Variants in PDE11A observed in about 807,000 individuals in gnomAD.
The protein encoded by PDE11A is phosphodiesterase 11A, also known as dual 3',5'-cyclic-AMP and -GMP phosphodiesterase 11A.
PDE11A carries 100 observed loss-of-function variants against 100.5 expected under a neutral mutation model. The ratio of observed to expected loss-of-function variants is 1.00; its 90% confidence interval spans 0.85 to 1.18. The LOEUF is 1.18. Among genes scored for constraint, PDE11A ranks in the 50% most tolerant of loss-of-function variants. The pLI is 0.00. For missense variants in PDE11A, 1,141 were observed against 1,152.6 expected, an observed-to-expected ratio of 0.99 and a Z score of 0.15; for synonymous variants, 381 against 420.8, an observed-to-expected ratio of 0.91 and a Z score of 1.16.
intron 19 of PDE11A, among the ~76,000 whole-genome samples, chr2:177,662,817 A>G (rs894505049): frequency 5.5e-5 from 7 of 128,094 alleles, no homozygotes; most frequent in African/African-American, 1.7e-4. Flanking sequence ...TTACATATCC[A>G]TCTTCAAGAC....
At chr2:177,952,631 G>A (rs1158101781) in intron 2 of PDE11A, among the ~76,000 whole-genome samples, 1 of 151,352 alleles carries the variant, frequency 6.6e-6, no homozygotes, top group Non-Finnish European at 1.5e-5. Flanking sequence ...ATCCTTCCAG[G>A]AAACTGATCC....
At chr2:177,972,466 A>C (rs1462871911) in intron 2 of PDE11A, among the ~76,000 whole-genome samples, 1 of 152,218 alleles carries the variant, frequency 6.6e-6, no homozygotes, top group African/African-American at 2.4e-5. Flanking sequence ...AGAATAAATG[A>C]AAATGGATGG....
chr2:177,941,661 C>T (rs934423983), intron 2 of PDE11A, among the ~76,000 whole-genome samples: 3 of 152,222 alleles, frequency 2.0e-5, no homozygotes, highest in Non-Finnish European at 4.4e-5. Flanking sequence ...CTGCCCTCTC[C>T]TTCCTCCCCT....
intron 2 of PDE11A, among the ~76,000 whole-genome samples, chr2:177,934,167 C>T (rs754601223): frequency 6.6e-6 from 1 of 151,998 alleles, no homozygotes; most frequent in Non-Finnish European, 1.5e-5. Flanking sequence ...AGCTTCTGCA[C>T]AACAAAAGAA....
At chr2:177,845,250 C>A (rs2083566831) in intron 5 of PDE11A, among the ~76,000 whole-genome samples, 1 of 150,904 alleles carries the variant, frequency 6.6e-6, no homozygotes, top group South Asian at 2.1e-4. Context: ...GGCTGCCGGG[C>A]GGAGGGGCTC....
chr2:177,832,875 G>C (rs1277939894), intron 6 of PDE11A, among the ~76,000 whole-genome samples: 1 of 152,166 alleles, frequency 6.6e-6, no homozygotes, highest in Non-Finnish European at 1.5e-5. Context: ...GAGCCAGGGA[G>C]AAGGAATGAA....
intron 1 of PDE11A, among the ~76,000 whole-genome samples, chr2:178,051,239 T>C (rs2086822856): frequency 6.6e-6 from 1 of 152,194 alleles, no homozygotes; most frequent in African/African-American, 2.4e-5. Context: ...ACCCAGAATT[T>C]CATATCCAGC....
intron 19 of PDE11A, among the ~76,000 whole-genome samples, chr2:177,656,887 G>A (rs1488623961): frequency 6.6e-6 from 1 of 152,210 alleles, no homozygotes; most frequent in Non-Finnish European, 1.5e-5. Context: ...CTTGGGCAAA[G>A]GGTGTCTGGT....
At chr2:177,972,724 C>T (rs549362455) in intron 2 of PDE11A, among the ~76,000 whole-genome samples, 2 of 152,198 alleles carry the variant, frequency 1.3e-5, no homozygotes, top group Admixed American at 6.5e-5. Context: ...GAAGGGACAT[C>T]GGTGGGACAG....
chr2:178,021,552 G>A (rs1016366211), intron 1 of PDE11A, among the ~76,000 whole-genome samples: 2 of 151,974 alleles, frequency 1.3e-5, no homozygotes, highest in Non-Finnish European at 2.9e-5. Flanking sequence ...TTAGATAAAG[G>A]AACATGTTAC....
Position 177,957,910 on chromosome 2 carries a change from C to CTTTTTTTTTTTTTTTTTTTTTTTTTTTT in PDE11A, c.1072-52724_1072-52723insAAAAAAAAAAAAAAAAAAAAAAAAAAAA, listed in dbSNP as rs748839068. ...TCCTTTACCTTTGTTTTTCCAATGC[C>CTTTTTTTTTTTTTTTTTTTTTTTTTTTT]TTTTTTTTGAGACGGAGTCTCTTGC... On this transcript the variant is annotated intron_variant, in intron 2 of 19. Transcript: ENST00000286063. Among the ~76,000 whole-genome samples, 12 of 114,470 alleles carry CTTTTTTTTTTTTTTTTTTTTTTTTTTTT rather than the reference C, an allele frequency of 1.0e-4. 2 individuals are homozygous for CTTTTTTTTTTTTTTTTTTTTTTTTTTTT. The highest frequency in any genetic ancestry group is 1.6e-4 in the African/African-American group (4 of 24,694). 75.1% of individuals were successfully genotyped at this position (114,470 alleles called of 152,430 possible).
chr2:177,671,758 A>C (rs889424006), intron 17 of PDE11A, among the ~76,000 whole-genome samples: 2 of 150,932 alleles, frequency 1.3e-5, no homozygotes, highest in African/African-American at 5.0e-5. Flanking sequence ...AAAATAAAAT[A>C]ATATTTACAC....
At chr2:177,769,946 G>A (rs964374717) in intron 9 of PDE11A, among the ~76,000 whole-genome samples, 3 of 149,980 alleles carry the variant, frequency 2.0e-5, no homozygotes, top group South Asian at 4.2e-4. Context: ...CCCAAAGGAT[G>A]TGAATACTTG....
At position 177,663,425 on chromosome 2, in the gene PDE11A, A is replaced by C. The variant is rs2080513934; in HGVS notation, c.2646+441T>G. Among the ~76,000 whole-genome samples, 4 of 150,462 alleles carry C rather than the reference A, an allele frequency of 2.7e-5. No individual in the cohort carries two copies. The South Asian group carries it at 8.4e-4, about 32-fold the overall frequency. ...GGAATCCTCATTCCCACATTATATT[A>C]ATAAAGAAAATTTGTAAAAAAAAAA... On this transcript the variant is annotated intron_variant, in intron 19 of 19. Coordinates refer to ENST00000286063, the MANE Select transcript of PDE11A (RefSeq NM_016953.4).
intron 10 of PDE11A, among the ~76,000 whole-genome samples, chr2:177,749,497 G>A (rs116824084): frequency 6.6e-6 from 1 of 151,972 alleles, no homozygotes; most frequent in Non-Finnish European, 1.5e-5. Context: ...TATGTCCAAA[G>A]TTATTCTTTC....
At chr2:177,746,044 T>C (rs1054303244) in intron 10 of PDE11A, among the ~76,000 whole-genome samples, 4 of 152,040 alleles carry the variant, frequency 2.6e-5, no homozygotes, top group African/African-American at 9.7e-5. Flanking sequence ...TGAGCCTCAA[T>C]GAACAAAGGA....
intron 9 of PDE11A, among the ~76,000 whole-genome samples, chr2:177,796,530 A>AT (rs971404250): frequency 2.6e-5 from 4 of 151,970 alleles, no homozygotes; most frequent in Non-Finnish European, 5.9e-5. Context: ...CACAGTGTGG[A>AT]GGGGGATCTA....
At chr2:177,740,173 A>G (rs1171819449) in intron 10 of PDE11A, among the ~76,000 whole-genome samples, 3 of 152,192 alleles carry the variant, frequency 2.0e-5, no homozygotes, top group African/African-American at 7.2e-5. Context: ...TGTTGGTGAA[A>G]TATGTTAGTA....
chr2:177,753,122 C>T (rs2082046515), intron 10 of PDE11A, among the ~76,000 whole-genome samples: 1 of 152,210 alleles, frequency 6.6e-6, no homozygotes, highest in Admixed American at 6.5e-5. Flanking sequence ...CTAATGACAA[C>T]TAATGTATGG....
Sources: allele counts gnomAD v4.1 joint callset (sites outside exome capture counted in the v4.1 genomes callset), GRCh38; gene constraint gnomAD v4.1.1; transcripts MANE v1.5; gene names NCBI Gene and HGNC (gene_info 2026-07-23, HGNC 2026-07-21).